CSNK1D: variants seen among roughly 807,000 people sequenced by gnomAD.
CSNK1D encodes casein kinase 1 delta.
Under a neutral mutation model 46.6 loss-of-function variants are expected in CSNK1D, and 16 were observed. The observed-to-expected ratio is 0.34, with a 90% CI of 0.23 to 0.52. The LOEUF is 0.52. Among genes scored for constraint, CSNK1D ranks in the 20% least tolerant of loss-of-function variants. CSNK1D has a pLI of 0.95. For missense variants in CSNK1D, 398 were observed against 578.4 expected, an observed-to-expected ratio of 0.69 and a Z score of 3.20; for synonymous variants, 276 against 228.2, an observed-to-expected ratio of 1.21 and a Z score of -1.89.
At chr17:82,245,543 G>A (rs2050829412) in intron 8 of CSNK1D, 2 of 250,744 alleles carry the variant, frequency 8.0e-6, no homozygotes, top group Admixed American at 5.1e-5. Context: ...AAGAGCTTAG[G>A]AGCCCCCAAC....
chr17:82,248,243 C>G lies in CSNK1D; in HGVS notation c.1197+632G>C. 1 of 986,230 alleles carries G rather than the reference C, an allele frequency of 1.0e-6. No individual in the cohort carries two copies. The highest frequency in any genetic ancestry group is 4.7e-5 in the South Asian group (1 of 21,402). 61.1% of individuals were successfully genotyped at this position (986,230 alleles called of 1,614,324 possible). On this transcript the variant is annotated intron_variant, in intron 8 of 8. Transcript: ENST00000314028. The surrounding 1 kb of genome is among the most constrained non-coding windows in gnomAD (Gnocchi z 4.1). ...GAAAGCTGTTCTAGTTCAAAGAGCA[C>G]GTTAGCAAACGCAAAAGACAACAAA...
At position 82,244,638 on chromosome 17, in the gene CSNK1D, G is replaced by T; in HGVS notation, c.*143C>A. On this transcript the variant is annotated 3_prime_UTR_variant, in exon 9 of 9. Transcript: ENST00000314028. The stretch of plus-strand genomic sequence containing the variant: ...TGTCCGTTTAGTATGTTTCCCCCAC[G>T]AGCGTCGCTGGGTGAGTGGCCTGGA... The T allele has an allele frequency of 6.5e-7, 1 of 1,544,368 alleles. No homozygotes were observed. The highest frequency in any genetic ancestry group is 1.2e-5 in the South Asian group (1 of 84,470).
intron 2 of CSNK1D, 92 bp downstream of exon 2, chr17:82,265,594 G>A (rs2051448354): frequency 9.8e-7 from 1 of 1,023,468 alleles, no homozygotes; most frequent in Non-Finnish European, 1.6e-6. Flanking sequence ...CCCAGAACCA[G>A]TTTTGGGTTT....
At position 82,273,149 on chromosome 17, in the gene CSNK1D, T is replaced by C; in HGVS notation, c.76+157A>G. 1 of 573,160 alleles carries C rather than the reference T, an allele frequency of 1.7e-6. No homozygotes were observed. The allele number at this position is 573,160 out of a possible 1,614,324, so 35.5% of individuals were successfully genotyped here. ...CTGCCCTCCCCACCCCTGGCCGCGC[T>C]AGCCTAGTGGCCGTTGGGTTCTGGC... is the stretch of plus-strand genomic sequence containing the variant. On this transcript the variant is annotated intron_variant, in intron 1 of 8. Coordinates refer to ENST00000314028, the MANE Select transcript of CSNK1D (RefSeq NM_001893.6). The surrounding 1 kb of genome is among the most constrained non-coding windows in gnomAD (Gnocchi z 5.1).
rs73366231 is a variant in CSNK1D, at chr17:82,245,170, A to G, written c.1198-339T>C. On this transcript the variant is annotated intron_variant, in intron 8 of 8. Coordinates refer to ENST00000314028, the MANE Select transcript of CSNK1D (RefSeq NM_001893.6). Reference sequence around the variant, plus strand: ...GTGTTTGAAAATGGGTACCCCTCTCAGGGAAGACATGAAAAGCAGTTCCTG... The same window carrying G: ...GTGTTTGAAAATGGGTACCCCTCTCGGGGAAGACATGAAAAGCAGTTCCTG... 5.2e-3 allele frequency: 2,640 copies of G among 506,186 alleles called. 56 individuals are homozygous for G. The highest frequency in any genetic ancestry group is 0.042 in the African/African-American group (2,172 of 51,896). The allele number at this position is 506,186 out of a possible 1,614,324, so 31.4% of individuals were successfully genotyped here.
rs1421785867 is a variant in CSNK1D at position 82,252,918 on chromosome 17, G to A, written c.565+98C>T. On this transcript the variant is annotated intron_variant, in intron 4 of 8. Coordinates refer to ENST00000314028, the MANE Select transcript of CSNK1D (RefSeq NM_001893.6). This position sits in a 1 kb window ranked among gnomAD's most constrained non-coding sequence, Gnocchi z 4.6. ...GCCGCAAAGGTCTGATGACACGCTT[G>A]CAGCCCCAGCTCCCCGAGAGGCTGG... 7 of 1,135,510 alleles carry A rather than the reference G, an allele frequency of 6.2e-6. No homozygotes were observed. The African/African-American group carries it at 7.7e-5, about 12-fold the overall frequency. 70.3% of individuals were successfully genotyped at this position (1,135,510 alleles called of 1,614,324 possible).
chr17:82,256,029 G>A (rs1042799589), intron 2 of CSNK1D, among the ~76,000 whole-genome samples: 11 of 152,338 alleles, frequency 7.2e-5, no homozygotes, highest in African/African-American at 1.7e-4. Context: ...CAATTACTCC[G>A]ATGTTGGTAG....
At chr17:82,241,052 T>C (rs190744760), downstream of CSNK1D, among the ~76,000 whole-genome samples, 76 of 151,986 alleles carry the variant, frequency 5.0e-4, no homozygotes, top group East Asian at 0.014. Context: ...CCAAAAGTGG[T>C]TCAGGTCTAC....
At chr17:82,245,283 G>C (rs1479007348) in intron 8 of CSNK1D, 1 of 302,994 alleles carries the variant, frequency 3.3e-6, no homozygotes, top group East Asian at 8.4e-5. Context: ...GCCCCTGCTG[G>C]AAGGAGCCGC....
chr17:82,264,890 C>T (rs1394689383), intron 2 of CSNK1D, among the ~76,000 whole-genome samples: 3 of 151,950 alleles, frequency 2.0e-5, no homozygotes, highest in African/African-American at 4.8e-5. Flanking sequence ...CTCTGCCTCC[C>T]GGGTTCACGC....
At chr17:82,268,655 T>A (rs2051539582) in intron 1 of CSNK1D, among the ~76,000 whole-genome samples, 2 of 152,150 alleles carry the variant, frequency 1.3e-5, no homozygotes, top group African/African-American at 4.8e-5. Flanking sequence ...CAAAAGACAT[T>A]CTGTCAACAA....
At chr17:82,246,131 C>T in intron 8 of CSNK1D, 2 of 1,549,628 alleles carry the variant, frequency 1.3e-6, no homozygotes, top group Non-Finnish European at 8.7e-7. Context: ...ATCCTTGCCT[C>T]AACCAGGTCC....
At chr17:82,264,678 C>A (rs1324989879) in intron 2 of CSNK1D, among the ~76,000 whole-genome samples, 1 of 152,192 alleles carries the variant, frequency 6.6e-6, no homozygotes, top group Non-Finnish European at 1.5e-5. Context: ...AGGCCTCACT[C>A]AGGGATCACA....
intron 8 of CSNK1D, chr17:82,246,590 AAG>A (rs922330862): frequency 7.8e-6 from 8 of 1,024,734 alleles, no homozygotes; most frequent in Admixed American, 5.1e-5. Flanking sequence ...ACAGCCCGAA[AAG>A]AGAGGGGGCG....
downstream of CSNK1D, among the ~76,000 whole-genome samples, chr17:82,241,955 G>A (rs1434219297): frequency 6.6e-6 from 1 of 152,108 alleles, no homozygotes; most frequent in Non-Finnish European, 1.5e-5. Context: ...GTGACCCGAA[G>A]TCCCTGTGCT....
chr17:82,246,263 G>A, intron 8 of CSNK1D: 1 of 1,449,902 alleles, frequency 6.9e-7, no homozygotes, highest in Admixed American at 2.2e-5. Context: ...TGCTCTTAAG[G>A]CCAACAATGG....
At chr17:82,256,396 C>T (rs1380003273) in intron 2 of CSNK1D, among the ~76,000 whole-genome samples, 2 of 151,884 alleles carry the variant, frequency 1.3e-5, no homozygotes, top group South Asian at 2.1e-4. Flanking sequence ...TTCTGTGGTC[C>T]CAGCTACTTG....
intron 2 of CSNK1D, among the ~76,000 whole-genome samples, chr17:82,257,940 G>A (rs1298557927): frequency 6.6e-6 from 1 of 152,128 alleles, no homozygotes; most frequent in Non-Finnish European, 1.5e-5. Context: ...AACTGGCCAG[G>A]CTCAGGCCTA....
intron 8 of CSNK1D, chr17:82,246,246 A>C: frequency 2.7e-6 from 4 of 1,474,914 alleles, no homozygotes; most frequent in Non-Finnish European, 3.6e-6. Flanking sequence ...CCTCTTCTGG[A>C]ATCACTTGCT....
Sources: gnomAD v4.1 joint callset for allele counts (sites outside exome capture counted in the v4.1 genomes callset) on GRCh38, gnomAD v4.1.1 for gene constraint, Gnocchi (gnomAD v3.1) non-coding constraint, MANE v1.5 for transcripts, NCBI Gene and HGNC (gene_info 2026-07-23, HGNC 2026-07-21) for gene names.